CENPC: variants seen among roughly 807,000 people sequenced by gnomAD.
The protein encoded by CENPC is CENP-C 1.
In CENPC, 63 loss-of-function variants were observed where a neutral mutation model predicts 112.1. The observed-to-expected ratio is 0.56, with a 90% CI of 0.46 to 0.69. CENPC has a LOEUF of 0.69. Ranked by LOEUF, CENPC falls within the 30% of genes least tolerant of loss-of-function variation. The pLI is 0.00. For synonymous variants in CENPC, 333 were observed against 367.6 expected, an observed-to-expected ratio of 0.91 and a Z score of 1.08; for missense variants, 1,000 against 1,103.8, an observed-to-expected ratio of 0.91 and a Z score of 1.33.
chr4:67,469,119 T>A lies in CENPC; in HGVS notation c.*3486A>T, dbSNP rs377468185. On this transcript the variant is annotated 3_prime_UTR_variant, in exon 19 of 19. Coordinates refer to ENST00000273853, the MANE Select transcript of CENPC (RefSeq NM_001812.4). ...GTAGTTACATAGATGTAAGTAACCA[T>A]TGGAAGAAATTAAAGACACATGCAT... is the stretch of plus-strand genomic sequence containing the variant. 2.6e-5 allele frequency: 4 copies of A among 152,272 alleles called. No homozygotes were observed. Among genetic ancestry groups the A allele is most frequent in the African/African-American group, 9.6e-5 (4 of 41,556 alleles). 9.4% of individuals were successfully genotyped at this position (152,272 alleles called of 1,614,324 possible).
chr4:67,514,047 A>G, intron 8 of CENPC, 27 bp downstream of exon 8: 2 of 1,527,834 alleles, frequency 1.3e-6, no homozygotes, highest in Non-Finnish European at 8.7e-7. Context: ...AATAATGCTC[A>G]TGGTTATATT....
intron 12 of CENPC, among the ~76,000 whole-genome samples, chr4:67,501,837 A>C (rs1725598552): frequency 6.6e-6 from 1 of 152,206 alleles, no homozygotes; most frequent in African/African-American, 2.4e-5. Context: ...TAGAGGAGGC[A>C]GGGAGGGAGA....
At chr4:67,544,275 G>A in intron 1 of CENPC, 80 bp from the exon 2 acceptor site, 1 of 764,366 alleles carries the variant, frequency 1.3e-6, no homozygotes, top group East Asian at 2.6e-5. Flanking sequence ...ACTTCATCCA[G>A]TATGGGCATG....
At position 67,544,140 on chromosome 4, in the gene CENPC, G is replaced by T. The variant is rs375144303; in HGVS notation, c.65+9C>A. 5 of 1,437,026 alleles carry T rather than the reference G, an allele frequency of 3.5e-6. No individual in the cohort carries two copies. Among genetic ancestry groups the T allele is most frequent in the South Asian group, 1.2e-5 (1 of 86,250 alleles). The allele number at this position is 1,437,026 out of a possible 1,614,324, so 89.0% of individuals were successfully genotyped here. ...AAAATAATCTTAAAAGCTTAAGTAC[G>T]TAAATCACCTGGAAGGTCGACAAAA... On this transcript the variant is annotated intron_variant, in intron 2 of 18. Coordinates refer to ENST00000273853, the MANE Select transcript of CENPC (RefSeq NM_001812.4).
intron 3 of CENPC, among the ~76,000 whole-genome samples, chr4:67,540,225 A>G (rs1007271028): frequency 6.6e-6 from 1 of 152,186 alleles, no homozygotes; most frequent in Non-Finnish European, 1.5e-5. Context: ...TGGCTGGCTT[A>G]TTCTCTTATT....
chr4:67,512,604 T>C (rs774284667), intron 8 of CENPC, 35 bp from the exon 9 acceptor site: 1 of 1,427,258 alleles, frequency 7.0e-7, no homozygotes, highest in Non-Finnish European at 9.3e-7. Context: ...CAATTCACAA[T>C]CTACTAAAAG....
intron 15 of CENPC, among the ~76,000 whole-genome samples, chr4:67,492,545 G>A (rs1364615929): frequency 6.6e-6 from 1 of 152,088 alleles, no homozygotes; most frequent in African/African-American, 2.4e-5. Context: ...GTGATGTTTT[G>A]CATAATCTCT....
At chr4:67,494,167 A>T (rs1725367498) in intron 13 of CENPC, among the ~76,000 whole-genome samples, 179 bp from the exon 14 acceptor site, 1 of 152,230 alleles carries the variant, frequency 6.6e-6, no homozygotes, top group Non-Finnish European at 1.5e-5. Flanking sequence ...CCAATGGAAA[A>T]ACAGGCTACC....
intron 12 of CENPC, among the ~76,000 whole-genome samples, chr4:67,500,692 A>G (rs1560427628): frequency 6.6e-6 from 1 of 152,258 alleles, no homozygotes; most frequent in Non-Finnish European, 1.5e-5. Flanking sequence ...GGCATAAAAT[A>G]GTAGTAGTCC....
At chr4:67,521,928 C>T (rs1726240601) in intron 5 of CENPC, among the ~76,000 whole-genome samples, 1 of 151,862 alleles carries the variant, frequency 6.6e-6, no homozygotes, top group African/African-American at 2.4e-5. Context: ...GTTGCCAGGG[C>T]TAATGGAAAA....
chr4:67,515,641 A>G (rs1047740155), intron 7 of CENPC, among the ~76,000 whole-genome samples: 1 of 152,026 alleles, frequency 6.6e-6, no homozygotes, highest in Non-Finnish European at 1.5e-5. Context: ...GAACTATAAA[A>G]TAATAAATGT....
At chr4:67,532,069 A>G (rs925701876) in intron 4 of CENPC, among the ~76,000 whole-genome samples, 2 of 152,240 alleles carry the variant, frequency 1.3e-5, no homozygotes, top group Non-Finnish European at 2.9e-5. Flanking sequence ...AAACAGCCCC[A>G]TCAAAAAGTG....
At chr4:67,475,129 A>G (rs1279530508) in intron 17 of CENPC, among the ~76,000 whole-genome samples, 151 bp from the exon 18 acceptor site, 2 of 152,220 alleles carry the variant, frequency 1.3e-5, no homozygotes, top group Non-Finnish European at 2.9e-5. Flanking sequence ...TTCATGGCAA[A>G]AGGGACCTTG....
At chr4:67,499,706 T>C (rs1433395873) in intron 12 of CENPC, among the ~76,000 whole-genome samples, 4 of 152,232 alleles carry the variant, frequency 2.6e-5, no homozygotes, top group African/African-American at 9.6e-5. Context: ...CACTTTTCTT[T>C]TCCTTCAAGA....
chr4:67,534,128 T>TA (rs1364959791), intron 4 of CENPC, among the ~76,000 whole-genome samples: 1 of 149,240 alleles, frequency 6.7e-6, no homozygotes, highest in Non-Finnish European at 1.5e-5. Flanking sequence ...AGCAAGTAGT[T>TA]AAACTGGCTG....
At position 67,506,903 on chromosome 4, in the gene CENPC, T is replaced by C; in HGVS notation, c.1936A>G (p.Ile646Val). 1 of 1,610,938 alleles carries C rather than the reference T, an allele frequency of 6.2e-7. No individual in the cohort carries two copies. Residue 646 changes from isoleucine to valine, a missense_variant, in exon 11 of 19, where the codon ATT becomes GTT. Ile to Val is a conservative substitution (Grantham distance 29, BLOSUM62 3). Coordinates refer to ENST00000273853, the MANE Select transcript of CENPC (RefSeq NM_001812.4). ...AGGGGAACATTCTGTGCAGTCATAA[T>C]GTTATCTTCATTCTTTGAGCTTCTT... The part of the protein sequence containing the change: ...STRSSKNEDN[I>V]MTAQNVPLKP...
At chr4:67,494,897 A>G (rs1254925620) in intron 13 of CENPC, among the ~76,000 whole-genome samples, 3 of 152,158 alleles carry the variant, frequency 2.0e-5, no homozygotes, top group African/African-American at 7.2e-5. Context: ...CTAGCTTCAT[A>G]GCTAAGGGAG....
intron 11 of CENPC, among the ~76,000 whole-genome samples, chr4:67,505,505 C>A (rs1375499767): frequency 1.3e-5 from 2 of 152,248 alleles, no homozygotes; most frequent in East Asian, 3.9e-4. Flanking sequence ...ATGCTCAAGT[C>A]CCTTATATAT....
At chr4:67,511,195 G>A (rs1449293866) in intron 9 of CENPC, among the ~76,000 whole-genome samples, 1 of 152,146 alleles carries the variant, frequency 6.6e-6, no homozygotes, top group Admixed American at 6.6e-5. Context: ...AAGTGGAAGA[G>A]TGATACTTTG....
Sources: allele counts gnomAD v4.1 joint callset (sites outside exome capture counted in the v4.1 genomes callset), GRCh38; gene constraint gnomAD v4.1.1; transcripts MANE v1.5; gene names NCBI Gene and HGNC (gene_info 2026-07-23, HGNC 2026-07-21).